OCLN: variants seen among roughly 807,000 people sequenced by gnomAD.
The protein encoded by OCLN is phosphatase 1, regulatory subunit 115.
In OCLN, 21 loss-of-function variants were observed where a neutral mutation model predicts 47.9. The ratio of observed to expected loss-of-function variants is 0.44; its 90% CI spans 0.31 to 0.63. The LOEUF (loss-of-function observed/expected upper bound fraction) is 0.63, where lower values mean the gene tolerates loss of function less well. OCLN is among the 30% of genes least tolerant of loss of function. The probability of loss-of-function intolerance (pLI) is 0.08; values close to 1 mark genes in which losing one functional copy is unlikely to be tolerated. For synonymous variants in OCLN, 117 were observed against 198.4 expected (o/e 0.59, Z 3.45); for missense variants, 360 against 571.0 (o/e 0.63, Z 3.77).
chr5:69,524,576 C>T (rs983307881), intron 4 of OCLN, among the ~76,000 whole-genome samples: 4 of 152,178 alleles, frequency 2.6e-5, no homozygotes, highest in Admixed American at 2.6e-4. Context: ...CATCTGATGT[C>T]GCCATTGTCT....
At chr5:69,525,446 A>G (rs1769253827) in intron 4 of OCLN, among the ~76,000 whole-genome samples, 2 of 152,058 alleles carry the variant, frequency 1.3e-5, no homozygotes, top group Non-Finnish European at 2.9e-5. Context: ...ATTATTTTTC[A>G]TATATAATCT....
chr5:69,518,423 C>T (rs1418050059), intron 4 of OCLN, among the ~76,000 whole-genome samples: 2 of 152,172 alleles, frequency 1.3e-5, no homozygotes, highest in Non-Finnish European at 1.5e-5. Context: ...AACTGAAATG[C>T]CTCAGAAAGC....
At chr5:69,524,299 C>A (rs1644804637) in intron 4 of OCLN, among the ~76,000 whole-genome samples, 1 of 152,230 alleles carries the variant, frequency 6.6e-6, no homozygotes, top group Non-Finnish European at 1.5e-5. Flanking sequence ...CTAATAATTA[C>A]AATACATTAC....
chr5:69,533,511 G>A (rs901614950), intron 4 of OCLN, among the ~76,000 whole-genome samples: 5 of 152,190 alleles, frequency 3.3e-5, no homozygotes, highest in Non-Finnish European at 7.4e-5. Context: ...TAGATTACGC[G>A]GTTTCTGGAG....
intron 2 of OCLN, among the ~76,000 whole-genome samples, 168 bp from the exon 3 acceptor site, chr5:69,508,973 G>A (rs1246209984): frequency 2.0e-5 from 3 of 152,164 alleles, no homozygotes; most frequent in Non-Finnish European, 4.4e-5. Context: ...ATGGGTTGTG[G>A]CTAGAGGCCA....
intron 5 of OCLN, among the ~76,000 whole-genome samples, chr5:69,535,771 A>T (rs1296189057): frequency 1.3e-5 from 2 of 150,574 alleles, no homozygotes. Flanking sequence ...AGGCAGCGGT[A>T]ATACAGTGGT....
In OCLN at chr5:69,504,248, T is replaced by C. The variant is rs113706384; in HGVS notation, c.4T>C (p.Ser2Pro). ...AGCTGACCATTGACAATCAGCCATG[T>C]CATCCAGGCCTCTTGAAAGTCCACC... Reference protein sequence around the residue: MSSRPLESPPPY... With the variant: MPSRPLESPPPY... The change falls in exon 2 of 9, where the codon TCA becomes CCA. Residue 2 changes from serine (S) to proline (P), a missense_variant. Around this residue, in one of 3 missense-constraint regions of OCLN, gnomAD observed 314 missense variants for 368.1 expected, o/e 0.85. Transcript: ENST00000396442. The C allele has an allele frequency of 1.2e-6, 2 of 1,608,638 alleles. No homozygotes were observed. Among genetic ancestry groups the C allele is most frequent in the Non-Finnish European group, 1.7e-6 (2 of 1,174,960 alleles).
chr5:69,498,486 T>A (rs1305433531), intron 1 of OCLN, among the ~76,000 whole-genome samples: 1 of 150,530 alleles, frequency 6.6e-6, no homozygotes, highest in African/African-American at 2.4e-5. Flanking sequence ...AGAGCAAGAC[T>A]CCTGTCTCAA....
intron 1 of OCLN, chr5:69,502,457 A>G (rs1037306064): frequency 2.0e-5 from 3 of 152,198 alleles, no homozygotes; most frequent in East Asian, 1.9e-4. Flanking sequence ...CCATGGTCCA[A>G]TCTGGTTCCT....
At chr5:69,499,391 T>G (rs1768393193) in intron 1 of OCLN, among the ~76,000 whole-genome samples, 1 of 152,178 alleles carries the variant, frequency 6.6e-6, no homozygotes, top group Admixed American at 6.5e-5. Flanking sequence ...TTTTAATTTT[T>G]TTTTCCCCTG....
At chr5:69,496,162 G>C (rs918733056) in intron 1 of OCLN, among the ~76,000 whole-genome samples, 1 of 150,668 alleles carries the variant, frequency 6.6e-6, no homozygotes, top group Non-Finnish European at 1.5e-5. Context: ...GCAGTGGCAC[G>C]ATCTTGGCTT....
At chr5:69,495,714 A>G (rs1175925430) in intron 1 of OCLN, among the ~76,000 whole-genome samples, 1 of 152,054 alleles carries the variant, frequency 6.6e-6, no homozygotes, top group Non-Finnish European at 1.5e-5. Context: ...TGCGGTGGAG[A>G]TGATACCTAT....
At chr5:69,534,926 A>G in intron 5 of OCLN, 87 bp downstream of exon 5, 2 of 1,505,690 alleles carry the variant, frequency 1.3e-6, no homozygotes, top group Non-Finnish European at 1.8e-6. Context: ...CTGCTTAAAA[A>G]AAATATCCAG....
At chr5:69,511,699 T>A (rs1392658341) in intron 3 of OCLN, among the ~76,000 whole-genome samples, 1 of 152,144 alleles carries the variant, frequency 6.6e-6, no homozygotes, top group Non-Finnish European at 1.5e-5. Flanking sequence ...AGGCATCTTT[T>A]CACTTTCTTG....
intron 4 of OCLN, among the ~76,000 whole-genome samples, chr5:69,531,437 G>A (rs1479873907): frequency 6.6e-6 from 1 of 152,246 alleles, no homozygotes; most frequent in East Asian, 1.9e-4. Flanking sequence ...GCTGTGAGGA[G>A]GAGGTGGGAC....
At chr5:69,503,037 T>G (rs1169967720) in intron 1 of OCLN, among the ~76,000 whole-genome samples, 1 of 152,210 alleles carries the variant, frequency 6.6e-6, no homozygotes, top group Non-Finnish European at 1.5e-5. Flanking sequence ...TTTCTGACCC[T>G]CTTTGCATCT....
chr5:69,495,292 C>T (rs1768258798), intron 1 of OCLN, among the ~76,000 whole-genome samples: 1 of 152,146 alleles, frequency 6.6e-6, no homozygotes, highest in South Asian at 2.1e-4. Context: ...TGCCGCTGTT[C>T]CGTAACCCAG....
chr5:69,533,138 T>C (rs1004597001), intron 4 of OCLN, among the ~76,000 whole-genome samples: 12 of 150,878 alleles, frequency 8.0e-5, no homozygotes, highest in African/African-American at 2.7e-4. Context: ...CACACACATA[T>C]ATATACATAC....
intron 2 of OCLN, among the ~76,000 whole-genome samples, chr5:69,505,231 CAA>C (rs1326855859): frequency 2.0e-5 from 3 of 152,102 alleles, no homozygotes; most frequent in East Asian, 3.9e-4. Flanking sequence ...GACTGGGTGA[CAA>C]GAGCAAAACT....
Sources: allele counts gnomAD v4.1 joint callset (sites outside exome capture counted in the v4.1 genomes callset), GRCh38; gene constraint gnomAD v4.1.1; regional missense constraint gnomAD v4.1.1; transcripts MANE v1.5; gene names NCBI Gene and HGNC (gene_info 2026-07-23, HGNC 2026-07-21).